Variants in BRDT observed in about 807,000 individuals in gnomAD.
BRDT encodes bromodomain testis-specific protein.
A neutral mutation model predicts 113.9 loss-of-function variants in BRDT; 77 were observed. The observed-to-expected ratio is 0.68, with a 90% CI of 0.56 to 0.82. The LOEUF (loss-of-function observed/expected upper bound fraction) is 0.82, where lower values mean the gene tolerates loss of function less well. Among genes scored for constraint, BRDT ranks in the 40% least tolerant of loss-of-function variants. The probability of loss-of-function intolerance (pLI) is 0.00; values close to 1 mark genes in which losing one functional copy is unlikely to be tolerated. For synonymous variants in BRDT, 358 were observed against 366.5 expected (o/e 0.98, Z 0.26); for missense variants, 1,027 against 1,105.4 (o/e 0.93, Z 1.01).
At chr1:91,985,850 G>T (rs1239034882) in intron 12 of BRDT, among the ~76,000 whole-genome samples, 2 of 151,090 alleles carry the variant, frequency 1.3e-5, no homozygotes, top group African/African-American at 4.9e-5. Context: ...GTGTTAGCCA[G>T]GATGGTCTCG....
In BRDT at chr1:91,952,519, T is replaced by C. The variant is rs149015780; in HGVS notation, c.-38+2837T>C. On this transcript the variant is annotated intron_variant, in intron 1 of 18. Transcript: ENST00000399546. ...TGGGATGAGGTATGGAAGAAAAGAT[T>C]GAGGCCATAAGAAAATGATAGGATT... Among the ~76,000 whole-genome samples, 1,294 of 150,542 alleles carry C rather than the reference T, an allele frequency of 8.6e-3. 22 individuals are homozygous for C. The highest frequency in any genetic ancestry group is 0.03 in the African/African-American group (1,228 of 40,906).
intron 4 of BRDT, among the ~76,000 whole-genome samples, chr1:91,971,120 G>C (rs927067926): frequency 2.0e-5 from 3 of 151,866 alleles, no homozygotes; most frequent in Non-Finnish European, 4.4e-5. Context: ...GTAGGGGAGA[G>C]GTGCTCTTTT....
intron 1 of BRDT, among the ~76,000 whole-genome samples, chr1:91,955,390 G>T (rs1681636326): frequency 6.6e-6 from 1 of 152,116 alleles, no homozygotes; most frequent in Non-Finnish European, 1.5e-5. Context: ...GGAGGCAGAG[G>T]TTGCAGTGAG....
In BRDT at chr1:91,968,172, A is replaced by G. The variant is rs374669808; in HGVS notation, c.357A>G (p.Ala119=). The change falls in exon 4 of 19, where the codon GCA becomes GCG. Residue 119 remains alanine (A), a synonymous_variant. Transcript: ENST00000399546. ...CTGGAGATGACATTGTTCTTATGGC[A>G]CAAGCTCTAGAGAAGCTGTTTATGC... The part of the protein sequence containing the change: ...NKPGDDIVLM[A]QALEKLFMQK... 7.4e-6 allele frequency: 12 copies of G among 1,613,936 alleles called. No homozygotes were observed. The highest frequency in any genetic ancestry group is 1.0e-5 in the Non-Finnish European group (12 of 1,179,974).
At chr1:91,970,190 G>GA (rs1262428344) in intron 4 of BRDT, among the ~76,000 whole-genome samples, 1 of 151,830 alleles carries the variant, frequency 6.6e-6, no homozygotes, top group Non-Finnish European at 1.5e-5. Context: ...GTGCATTATG[G>GA]AAAAAAAGAC....
At chr1:91,991,121 A>AATT (rs1685713917) in intron 12 of BRDT, 63 bp from the exon 13 acceptor site, 1 of 1,116,552 alleles carries the variant, frequency 9.0e-7, no homozygotes, top group African/African-American at 1.6e-5. Flanking sequence ...AATATGGAAA[A>AATT]ATTATAACTT....
At chr1:91,981,221 T>C in intron 10 of BRDT, 43 bp downstream of exon 10, 3 of 1,608,942 alleles carry the variant, frequency 1.9e-6, no homozygotes, top group Non-Finnish European at 2.5e-6. Context: ...TTGGTATTTA[T>C]GTTGGTTTTT....
chr1:91,969,012 C>CT (rs775534108), intron 4 of BRDT, among the ~76,000 whole-genome samples: 12 of 152,082 alleles, frequency 7.9e-5, no homozygotes, highest in Non-Finnish European at 1.8e-4. Context: ...TCTCGGCTCA[C>CT]TGCAAGCTCT....
intron 18 of BRDT, among the ~76,000 whole-genome samples, chr1:92,009,979 T>C (rs1259864598): frequency 6.6e-6 from 1 of 152,178 alleles, no homozygotes; most frequent in Non-Finnish European, 1.5e-5. Context: ...TTGATTCCAT[T>C]GTTTCCACTG....
rs149712533 is a variant in BRDT, at chr1:91,984,783, C to T, written c.2002+3028C>T. Reference sequence around the variant, plus strand: ...AGTAGCTGGGCCTACAGGTGTGTGCCACCACGCTGGGCTAATTTTTGTACT... The same window carrying T: ...AGTAGCTGGGCCTACAGGTGTGTGCTACCACGCTGGGCTAATTTTTGTACT... On this transcript the variant is annotated intron_variant, in intron 12 of 18. Transcript: ENST00000399546. Among the ~76,000 whole-genome samples the T allele has an allele frequency of 1.1e-3, 162 of 152,266 alleles. 2 individuals carry two copies. The highest frequency in any genetic ancestry group is 3.6e-3 in the African/African-American group (151 of 41,562).
chr1:91,951,219 C>T (rs967952347), intron 1 of BRDT, among the ~76,000 whole-genome samples: 3 of 152,022 alleles, frequency 2.0e-5, no homozygotes, highest in Non-Finnish European at 2.9e-5. Context: ...AGAGATGAGT[C>T]TAGTAAGGGG....
intron 1 of BRDT, among the ~76,000 whole-genome samples, chr1:91,959,942 A>G (rs1279323702): frequency 6.6e-6 from 1 of 152,182 alleles, no homozygotes; most frequent in Non-Finnish European, 1.5e-5. Context: ...AACAAAACTG[A>G]TTCCCAGGCG....
At chr1:91,988,302 C>T (rs1448889576) in intron 12 of BRDT, among the ~76,000 whole-genome samples, 1 of 152,142 alleles carries the variant, frequency 6.6e-6, no homozygotes, top group Admixed American at 6.5e-5. Context: ...CACTTTGATC[C>T]TCTTAAGGTA....
chr1:91,958,210 T>C (rs529605064), intron 1 of BRDT, among the ~76,000 whole-genome samples: 1 of 123,586 alleles, frequency 8.1e-6, no homozygotes, highest in Non-Finnish European at 1.7e-5. Context: ...TGATAACTCA[T>C]GCCCTTTTTT....
At chr1:91,955,618 A>G (rs914459405) in intron 1 of BRDT, among the ~76,000 whole-genome samples, 6 of 152,236 alleles carry the variant, frequency 3.9e-5, no homozygotes, top group Non-Finnish European at 8.8e-5. Flanking sequence ...GCAAAGTATC[A>G]TAAAAAGCCA....
intron 4 of BRDT, among the ~76,000 whole-genome samples, chr1:91,969,338 A>ATTTT (rs10625358): frequency 6.7e-5 from 10 of 148,898 alleles, no homozygotes; most frequent in East Asian, 2.0e-4. Flanking sequence ...GCAGAGGTTG[A>ATTTT]TTTTTTTTTT....
Position 91,981,063 on chromosome 1 carries a change from C to T in BRDT, c.1635C>T (p.Ser545=). 6.2e-7 allele frequency: 1 copy of T among 1,614,042 alleles called. No individual in the cohort carries two copies. Among genetic ancestry groups the T allele is most frequent in the Non-Finnish European group, 8.5e-7 (1 of 1,179,958 alleles). Residue 545 remains serine (S), a synonymous_variant, in exon 10 of 19, where the codon AGC becomes AGT. Transcript: ENST00000399546. ...TACAATCAAGAGAGCCTTCTCTGAGCAATTCCAATCCTGATGAGATAGAGA... is the reference window on the plus strand; with the variant it reads ...TACAATCAAGAGAGCCTTCTCTGAGTAATTCCAATCCTGATGAGATAGAGA... ...HIIQSREPSL[S]NSNPDEIEID...
At chr1:92,014,141 T>C in intron 18 of BRDT, 65 bp from the exon 19 acceptor site, 2 of 1,027,068 alleles carry the variant, frequency 1.9e-6, no homozygotes, top group Non-Finnish European at 2.9e-6. Context: ...ATAATCATTA[T>C]TGTATAGTTG....
intron 2 of BRDT, 58 bp downstream of exon 2, chr1:91,963,004 T>G: frequency 7.4e-7 from 1 of 1,355,642 alleles, no homozygotes; most frequent in East Asian, 2.4e-5. Context: ...TAAATTTCTG[T>G]AAGACATAAC....
Sources: allele counts gnomAD v4.1 joint callset (sites outside exome capture counted in the v4.1 genomes callset), GRCh38; gene constraint gnomAD v4.1.1; transcripts MANE v1.5; gene names NCBI Gene and HGNC (gene_info 2026-07-23, HGNC 2026-07-21).